The following MGAM variants were observed in gnomAD, a reference collection of about 807,000 sequenced individuals.
MGAM encodes maltase-glucoamylase.
MGAM carries 253 observed loss-of-function variants against 358.8 expected under a neutral mutation model. That is an observed-to-expected ratio of 0.71 (90% CI 0.64 to 0.78). The LOEUF is 0.78. MGAM is among the 30% of genes least tolerant of loss of function. MGAM has a pLI of 0.00. For missense variants in MGAM, 3,080 were observed against 3,432.6 expected (o/e 0.90, Z 2.57); for synonymous variants, 1,105 against 1,227.1 (o/e 0.90, Z 2.08).
chr7:142,006,454 GC>G (rs564744496), intron 2 of MGAM, among the ~76,000 whole-genome samples: 101 of 152,022 alleles, frequency 6.6e-4, no homozygotes, highest in Non-Finnish European at 1.2e-3. Context: ...CTGCTCTTTG[GC>G]CCTCCAGAAA....
intron 66 of MGAM, among the ~76,000 whole-genome samples, chr7:142,098,171 C>T (rs1277930091): frequency 6.6e-6 from 1 of 152,006 alleles, no homozygotes; most frequent in African/African-American, 2.4e-5. Flanking sequence ...GGTATGGGAC[C>T]CAACCCTTGT....
chr7:142,092,198 A>T (rs1815449806), intron 58 of MGAM, among the ~76,000 whole-genome samples, 151 bp downstream of exon 58: 1 of 146,004 alleles, frequency 6.8e-6, no homozygotes, highest in South Asian at 2.2e-4. Flanking sequence ...GGAGAGGAAC[A>T]GCCCTGATAG....
Position 142,077,767 on chromosome 7 carries a change from C to CTACTA in MGAM, c.5494-548_5494-544dup, listed in dbSNP as rs2129050828. Among the ~76,000 whole-genome samples, 2 of 144,800 alleles carry CTACTA rather than the reference C, an allele frequency of 1.4e-5. 1 individual carries two copies. Among genetic ancestry groups the CTACTA allele is most frequent in the East Asian group, 4.1e-4 (2 of 4,892 alleles). The allele number at this position is 144,800 out of a possible 152,430, so 95.0% of individuals were successfully genotyped here. On this transcript the variant is annotated intron_variant, in intron 47 of 70. Coordinates refer to ENST00000475668, the MANE Select transcript of MGAM (RefSeq NM_001365693.1). ...TCATATACTCCATAAATATGTATAC[C>CTACTA]TACTATATACTCATTAAAATTAAAA...
intron 41 of MGAM, 58 bp downstream of exon 41, chr7:142,066,779 T>A: frequency 6.7e-7 from 1 of 1,501,612 alleles, no homozygotes; most frequent in Non-Finnish European, 9.1e-7. Flanking sequence ...TTCTATGTGG[T>A]AGCAGTTGAT....
At chr7:141,994,981 G>A (rs1804125218), upstream of MGAM, among the ~76,000 whole-genome samples, 1 of 152,214 alleles carries the variant, frequency 6.6e-6, no homozygotes, top group African/African-American at 2.4e-5. Flanking sequence ...AGTTGGGGAA[G>A]TTATGAATTT....
intron 3 of MGAM, among the ~76,000 whole-genome samples, chr7:142,014,910 A>G (rs1584918360): frequency 6.6e-6 from 1 of 152,120 alleles, no homozygotes. Flanking sequence ...TTGAAGTTAC[A>G]TCAGTCCCAT....
chr7:142,097,491 G>T (rs1218311409), intron 65 of MGAM, 102 bp from the exon 66 acceptor site: 13 of 1,168,824 alleles, frequency 1.1e-5, no homozygotes, highest in Non-Finnish European at 1.5e-5. Context: ...AGGCAAGTGG[G>T]CCCAAGGCCA....
intron 21 of MGAM, among the ~76,000 whole-genome samples, chr7:142,043,817 G>A (rs1221625415): frequency 1.3e-5 from 1 of 78,954 alleles, no homozygotes; most frequent in Non-Finnish European, 3.1e-5. Context: ...ATACACATAC[G>A]ACGTATAATA....
chr7:142,005,803 A>G lies in MGAM; in HGVS notation c.127+146A>G, dbSNP rs1805109966. The G allele has an allele frequency of 4.1e-6, 3 of 733,580 alleles. No individual in the cohort carries two copies. In the South Asian group the frequency reaches 5.8e-5, roughly 14 times the overall value. 45.4% of individuals were successfully genotyped at this position (733,580 alleles called of 1,614,324 possible). A position where few individuals can be genotyped will look rare whatever the true frequency, so the allele number is the denominator to read the frequency against. On this transcript the variant is annotated intron_variant, in intron 2 of 70. Transcript: ENST00000475668. ...TATGTGTGTGTTCTATGTGTTTTGGACAGCTCAGTAGATATTCATTGTAGG... is the reference window on the plus strand; with the variant it reads ...TATGTGTGTGTTCTATGTGTTTTGGGCAGCTCAGTAGATATTCATTGTAGG...
At chr7:142,096,486 G>C in intron 65 of MGAM, 71 bp downstream of exon 65, 1 of 1,495,058 alleles carries the variant, frequency 6.7e-7, no homozygotes, top group Non-Finnish European at 9.3e-7. Flanking sequence ...GAGGAGAAGA[G>C]GCCTGAGCTG....
intron 1 of MGAM, among the ~76,000 whole-genome samples, chr7:141,999,378 T>C (rs552249991): frequency 5.3e-5 from 8 of 152,292 alleles, no homozygotes; most frequent in African/African-American, 9.6e-5. Context: ...TGGTGTACAC[T>C]GTGGGGCATT....
chr7:142,090,616 C>T (rs1585094923), intron 57 of MGAM, among the ~76,000 whole-genome samples: 1 of 145,852 alleles, frequency 6.9e-6, no homozygotes, highest in East Asian at 2.0e-4. Context: ...TGGGTTCCTA[C>T]CTGCCTTTTG....
At chr7:142,036,707 G>T in intron 17 of MGAM, 116 bp from the exon 18 acceptor site, 1 of 1,145,700 alleles carries the variant, frequency 8.7e-7, no homozygotes, top group Non-Finnish European at 1.2e-6. Flanking sequence ...TTGCAACCTT[G>T]GCCTCTGTCA....
At chr7:142,063,428 T>A (rs1265526434) in intron 35 of MGAM, 71 bp from the exon 36 acceptor site, 2 of 1,544,964 alleles carry the variant, frequency 1.3e-6, no homozygotes, top group Non-Finnish European at 1.8e-6. Flanking sequence ...TATTCACTAC[T>A]TCCTTGGCTC....
intron 11 of MGAM, 55 bp downstream of exon 11, chr7:142,030,548 C>A: frequency 6.2e-7 from 1 of 1,609,248 alleles, no homozygotes; most frequent in Non-Finnish European, 8.5e-7. Context: ...GTATCATACA[C>A]CCATCTCTCC....
At chr7:142,103,639 A>ATTCTTACTTTCCATGTTTGTC (rs1246342015) in intron 70 of MGAM, among the ~76,000 whole-genome samples, 200 bp downstream of exon 70, 6 of 152,052 alleles carry the variant, frequency 3.9e-5, no homozygotes, top group Non-Finnish European at 8.8e-5. Flanking sequence ...CATGGCCTGG[A>ATTCTTACTTTCCATGTTTGTC]TTCTTACTTT....
intron 16 of MGAM, 24 bp from the exon 17 acceptor site, chr7:142,036,145 C>T: frequency 6.6e-7 from 1 of 1,525,386 alleles, no homozygotes; most frequent in Non-Finnish European, 9.0e-7. Context: ...GTGAGGTATA[C>T]CTGTTGTCTG....
At chr7:142,046,809 A>G (rs1022065379) in intron 21 of MGAM, among the ~76,000 whole-genome samples, 1 of 151,754 alleles carries the variant, frequency 6.6e-6, no homozygotes, top group African/African-American at 2.4e-5. Flanking sequence ...GTGGTTCTGG[A>G]CTCCTAGAAT....
Position 142,084,544 on chromosome 7 carries a change from C to T in MGAM, c.6407C>T (p.Pro2136Leu). 18 of 1,555,826 alleles carry T rather than the reference C, an allele frequency of 1.2e-5. 2 individuals carry two copies. The highest frequency in any genetic ancestry group is 1.6e-5 in the Non-Finnish European group (18 of 1,132,398). ...TTGATTGGCCGGCCTGTGATGGTACCTTACTGGTCTTTGGGGTTCCAGCTG... is the reference window on the plus strand; with the variant it reads ...TTGATTGGCCGGCCTGTGATGGTACTTTACTGGTCTTTGGGGTTCCAGCTG... ...TELIGRPVMV[P>L]YWSLGFQLCR... is the part of the protein sequence containing the mutation. Residue 2136 changes from proline to leucine, a missense_variant, in exon 54 of 71, where the codon CCT becomes CTT. Transcript: ENST00000475668.
Sources: allele counts gnomAD v4.1 joint callset (sites outside exome capture counted in the v4.1 genomes callset), GRCh38; gene constraint gnomAD v4.1.1; transcripts MANE v1.5; gene names NCBI Gene and HGNC (gene_info 2026-07-23, HGNC 2026-07-21).